Variants in TLE7 observed in about 807,000 individuals in gnomAD.
TLE7 encodes the protein transducin-like enhancer protein 7.
chr16:71,432,488 CT>C (rs1357678623), intron 4 of TLE7, among the ~76,000 whole-genome samples, 163 bp from the exon 5 acceptor site: 1 of 152,208 alleles, frequency 6.6e-6, no homozygotes, highest in Non-Finnish European at 1.5e-5. Flanking sequence ...AGAAATGACA[CT>C]GTGAGCTGAA....
At chr16:71,440,395 T>G (rs899230499) in intron 1 of TLE7, among the ~76,000 whole-genome samples, 1 of 152,144 alleles carries the variant, frequency 6.6e-6, no homozygotes, top group African/African-American at 2.4e-5. Flanking sequence ...GGAGAATCAC[T>G]TGAACCCAGG....
At chr16:71,438,289 G>T (rs2145046654) in intron 1 of TLE7, among the ~76,000 whole-genome samples, 1 of 152,058 alleles carries the variant, frequency 6.6e-6, no homozygotes, top group South Asian at 2.1e-4. Context: ...AAATTAGCCA[G>T]GCATGGTGGC....
chr16:71,433,438 A>G lies in TLE7; in HGVS notation c.-96-18T>C. The G allele has an allele frequency of 2.5e-6, 1 of 397,740 alleles. No homozygotes were observed. The highest frequency in any genetic ancestry group is 6.3e-4 in the Middle Eastern group (1 of 1,592). 24.6% of individuals were successfully genotyped at this position (397,740 alleles called of 1,614,324 possible). ...CTGATCCCCTGTAAGGTGAAAAAAA[A>G]GAGACGCAGCTATGCACATGTGCTC... is the stretch of plus-strand genomic sequence containing the variant. On this transcript the variant is annotated intron_variant, in intron 1 of 9. Transcript: ENST00000561754.
intron 1 of TLE7, among the ~76,000 whole-genome samples, chr16:71,435,400 A>G (rs9921195): frequency 0.34 from 52,197 of 151,932 alleles, 10,583 homozygotes; most frequent in African/African-American, 0.56. Context: ...GGCAGAGTGA[A>G]ACTCTGTCTC....
Position 71,432,146 on chromosome 16 carries a change from C to T in TLE7, c.573G>A (p.Ala191=), listed in dbSNP as rs185355266. 6 of 401,002 alleles carry T rather than the reference C, an allele frequency of 1.5e-5. No homozygotes were observed. Among genetic ancestry groups the T allele is most frequent in the South Asian group, 1.3e-4 (1 of 7,952 alleles). 24.8% of individuals were successfully genotyped at this position (401,002 alleles called of 1,614,324 possible). Residue 191 remains alanine, a synonymous_variant, in exon 5 of 10, where the codon GCG becomes GCA. Transcript: ENST00000561754. Reference sequence around the variant, plus strand: ...GCTGGGCCCGAGGGGCCTTCTCCCCCGCATGCAGCGCACTCTCATCCCATA... The same window carrying T: ...GCTGGGCCCGAGGGGCCTTCTCCCCTGCATGCAGCGCACTCTCATCCCATA... ...IRVWDESALH[A]GEKAPRAQLD...
intron 1 of TLE7, among the ~76,000 whole-genome samples, chr16:71,434,513 T>C (rs2042818851): frequency 1.3e-5 from 2 of 152,166 alleles, no homozygotes; most frequent in Admixed American, 1.3e-4. Context: ...TAGCTGGCTC[T>C]CAAACACCCA....
At chr16:71,438,747 G>A (rs574802693) in intron 1 of TLE7, among the ~76,000 whole-genome samples, 72 of 151,558 alleles carry the variant, frequency 4.8e-4, no homozygotes, top group African/African-American at 1.6e-3. Flanking sequence ...AAAGAGAGCC[G>A]TGGTTCTTAT....
intron 9 of TLE7, 128 bp downstream of exon 9, chr16:71,430,540 T>G: frequency 2.5e-6 from 1 of 397,728 alleles, no homozygotes; most frequent in Non-Finnish European, 4.4e-6. Context: ...TCATTTCCCC[T>G]ACTCTGTAAA....
At chr16:71,430,634 T>C (rs2145041616) in intron 9 of TLE7, 34 bp downstream of exon 9, 1 of 398,546 alleles carries the variant, frequency 2.5e-6, no homozygotes, top group African/African-American at 2.1e-5. Flanking sequence ...AAGCTCCCAG[T>C]GCCTGGGTTC....
intron 1 of TLE7, among the ~76,000 whole-genome samples, chr16:71,436,696 A>G (rs1596986589): frequency 6.6e-6 from 1 of 152,220 alleles, no homozygotes; most frequent in African/African-American, 2.4e-5. Context: ...CTTGGCCTGA[A>G]GCCAACAGTG....
chr16:71,434,740 CAG>C (rs1461021218), intron 1 of TLE7, among the ~76,000 whole-genome samples: 3 of 152,166 alleles, frequency 2.0e-5, no homozygotes, highest in Non-Finnish European at 4.4e-5. Flanking sequence ...CTAGAAAACA[CAG>C]AGAGGAGGTT....
At chr16:71,438,837 G>C (rs759337350) in intron 1 of TLE7, among the ~76,000 whole-genome samples, 1 of 152,190 alleles carries the variant, frequency 6.6e-6, no homozygotes, top group African/African-American at 2.4e-5. Flanking sequence ...TCCCTCAGCC[G>C]TGGATAGAGG....
intron 1 of TLE7, among the ~76,000 whole-genome samples, chr16:71,438,837 G>A (rs759337350): frequency 3.3e-5 from 5 of 152,190 alleles, no homozygotes; most frequent in East Asian, 1.9e-4. Flanking sequence ...TCCCTCAGCC[G>A]TGGATAGAGG....
Position 71,430,714 on chromosome 16 carries a change from G to T in TLE7, c.1175C>A (p.Thr392Lys), listed in dbSNP as rs554159413. 3 of 398,464 alleles carry T rather than the reference G, an allele frequency of 7.5e-6. No homozygotes were observed. Among genetic ancestry groups the T allele is most frequent in the Non-Finnish European group, 4.4e-6 (1 of 226,106 alleles). 24.7% of individuals were successfully genotyped at this position (398,464 alleles called of 1,614,324 possible). A position where few individuals can be genotyped will look rare whatever the true frequency, so the allele number is the denominator to read the frequency against. Reference sequence around the variant, plus strand: ...AGGTGCCTCCAAGCCACTGAGGCGCGTATCTATCGCGGTCACAAAATAGCT... The same window carrying T: ...AGGTGCCTCCAAGCCACTGAGGCGCTTATCTATCGCGGTCACAAAATAGCT... ...CGSYFVTAID[T>K]RLSGLEAPSL... Residue 392 changes from threonine to lysine, a missense_variant, in exon 9 of 10, where the codon ACG becomes AAG. Coordinates refer to ENST00000561754, the MANE Select transcript of TLE7 (RefSeq NM_001367365.2).
At chr16:71,435,549 AG>A (rs1298106081) in intron 1 of TLE7, among the ~76,000 whole-genome samples, 1 of 152,264 alleles carries the variant, frequency 6.6e-6, no homozygotes, top group African/African-American at 2.4e-5. Flanking sequence ...TTTATGTAAA[AG>A]AAAAATGGAA....
At chr16:71,437,966 G>C (rs2042832717) in intron 1 of TLE7, among the ~76,000 whole-genome samples, 1 of 152,164 alleles carries the variant, frequency 6.6e-6, no homozygotes, top group African/African-American at 2.4e-5. Context: ...AGAGGGTCCT[G>C]ATCCAGACCC....
chr16:71,432,592 G>A (rs2042810448), intron 4 of TLE7, 73 bp downstream of exon 4: 3 of 398,718 alleles, frequency 7.5e-6, no homozygotes, highest in African/African-American at 2.1e-5. Flanking sequence ...GAGAGTGAAA[G>A]TGTGGACACA....
At chr16:71,440,866 G>A (rs756789078) in intron 1 of TLE7, among the ~76,000 whole-genome samples, 1 of 152,166 alleles carries the variant, frequency 6.6e-6, no homozygotes, top group Non-Finnish European at 1.5e-5. Context: ...GACAATGCAC[G>A]GCCAGGCCCC....
chr16:71,435,412 A>AAATT (rs2042822388), intron 1 of TLE7, among the ~76,000 whole-genome samples: 1 of 151,706 alleles, frequency 6.6e-6, no homozygotes, highest in African/African-American at 2.4e-5. Flanking sequence ...CTCTGTCTCA[A>AAATT]AATAAATAAA....
Sources: gnomAD v4.1 joint callset for allele counts (sites outside exome capture counted in the v4.1 genomes callset) on GRCh38, gnomAD v4.1.1 for gene constraint, MANE v1.5 for transcripts, NCBI Gene and HGNC (gene_info 2026-07-23, HGNC 2026-07-21) for gene names.